The following PCDHA3 variants were observed in gnomAD, a reference collection of about 807,000 sequenced individuals.
PCDHA3 encodes protocadherin alpha-3.
Under a neutral mutation model 62.2 loss-of-function variants are expected in PCDHA3, and 41 were observed. The ratio of observed to expected loss-of-function variants is 0.66; its 90% CI spans 0.51 to 0.86. The LOEUF (loss-of-function observed/expected upper bound fraction) is 0.86, where lower values mean the gene tolerates loss of function less well. PCDHA3 is among the 40% of genes least tolerant of loss of function. PCDHA3 has a pLI of 0.00. For missense variants in PCDHA3, 1,304 were observed against 1,241.2 expected (o/e 1.05, Z -0.76); for synonymous variants, 640 against 555.4 (o/e 1.15, Z -2.14).
chr5:140,903,962 G>C (rs548680386), intron 1 of PCDHA3, among the ~76,000 whole-genome samples: 21 of 152,226 alleles, frequency 1.4e-4, no homozygotes. Flanking sequence ...ATTATTTGTT[G>C]ATTTTTGGTC....
At position 140,850,229 on chromosome 5, in the gene PCDHA3, C is replaced by G. The variant is rs2150474580; in HGVS notation, c.2394+46638C>G. ...TGAGGGGCACTGACGGCGCAGTGAGCGAGATGGTGCTGCGGTCGGTGGGCG... is the reference window on the plus strand; with the variant it reads ...TGAGGGGCACTGACGGCGCAGTGAGGGAGATGGTGCTGCGGTCGGTGGGCG... On this transcript the variant is annotated intron_variant, in intron 1 of 3. Transcript: ENST00000522353. The G allele has an allele frequency of 9.4e-6, 15 of 1,593,582 alleles. No individual in the cohort carries two copies. In the East Asian group the frequency reaches 3.3e-4, roughly 36 times the overall value.
At chr5:140,823,552 G>A (rs2150126819) in intron 1 of PCDHA3, 1 of 1,613,888 alleles carries the variant, frequency 6.2e-7, no homozygotes, top group Non-Finnish European at 8.5e-7. Flanking sequence ...GGTGGCGAAG[G>A]TGCGCGCAGT....
intron 1 of PCDHA3, among the ~76,000 whole-genome samples, chr5:140,833,733 C>T (rs1772600974): frequency 1.4e-5 from 2 of 144,312 alleles, no homozygotes; most frequent in Admixed American, 1.4e-4. Context: ...GCTAATGTTT[C>T]TTGCCTCCTA....
At chr5:140,964,417 C>T (rs1279243450) in intron 1 of PCDHA3, among the ~76,000 whole-genome samples, 15 of 152,088 alleles carry the variant, frequency 9.9e-5, no homozygotes, top group Admixed American at 9.8e-4. Context: ...TGGGGGCTTC[C>T]ATTAAAAAAT....
At chr5:140,822,702 T>C (rs1767402804) in intron 1 of PCDHA3, 1 of 1,610,758 alleles carries the variant, frequency 6.2e-7, no homozygotes, top group Non-Finnish European at 8.5e-7. Flanking sequence ...AACTGGATTA[T>C]GAAGACTATA....
At chr5:140,875,346 T>C in intron 1 of PCDHA3, 1 of 1,443,436 alleles carries the variant, frequency 6.9e-7, no homozygotes. Flanking sequence ...GACTCCATAA[T>C]GACTGTGATG....
In PCDHA3 at chr5:140,828,686, T is replaced by C. The variant is rs184176193; in HGVS notation, c.2394+25095T>C. 17 of 1,614,164 alleles carry C rather than the reference T, an allele frequency of 1.1e-5. No homozygotes were observed. Among genetic ancestry groups the C allele is most frequent in the Admixed American group, 3.3e-5 (2 of 60,022 alleles). On this transcript the variant is annotated intron_variant, in intron 1 of 3. Transcript: ENST00000522353. ...ACAAATTGGGCTCTTATTAAAGAAA[T>C]CCTTGGACAGAGAGGAAGCTCCTGC...
At chr5:140,984,987 G>C (rs1034950978) in intron 3 of PCDHA3, among the ~76,000 whole-genome samples, 7 of 152,028 alleles carry the variant, frequency 4.6e-5, no homozygotes, top group Admixed American at 2.0e-4. Flanking sequence ...CCCCAGGCTG[G>C]AGTCCAGTGG....
At chr5:140,953,530 C>T (rs923959885) in intron 1 of PCDHA3, among the ~76,000 whole-genome samples, 3 of 152,158 alleles carry the variant, frequency 2.0e-5, no homozygotes, top group Admixed American at 6.5e-5. Context: ...ACGGGAAACT[C>T]ACTTCATGCT....
Position 140,843,438 on chromosome 5 carries a change from C to A in PCDHA3, c.2394+39847C>A, listed in dbSNP as rs2150359947. 1.3e-4 allele frequency: 208 copies of A among 1,596,096 alleles called. 21 individuals are homozygous for A. The South Asian group carries it at 1.5e-3, about 11-fold the overall frequency. Reference sequence around the variant, plus strand: ...GTGTACCTGATCATCGCCATCTGCGCGGTATCCAGCCTGCTGGTGCTCACG... The same window carrying A: ...GTGTACCTGATCATCGCCATCTGCGAGGTATCCAGCCTGCTGGTGCTCACG... On this transcript the variant is annotated intron_variant, in intron 1 of 3. Transcript: ENST00000522353.
At chr5:140,821,907 T>G (rs2150111857) in intron 1 of PCDHA3, 1 of 1,614,210 alleles carries the variant, frequency 6.2e-7, no homozygotes, top group East Asian at 2.2e-5. Context: ...GAACCTTCGT[T>G]GGCCGCATCG....
intron 1 of PCDHA3, among the ~76,000 whole-genome samples, chr5:140,847,260 T>G (rs1285482056): frequency 6.7e-6 from 1 of 149,726 alleles, no homozygotes; most frequent in Non-Finnish European, 1.5e-5. Context: ...TCACGACTTT[T>G]GAAAGAAGGT....
At chr5:140,894,632 TATC>T (rs1161134901) in intron 1 of PCDHA3, among the ~76,000 whole-genome samples, 1 of 151,990 alleles carries the variant, frequency 6.6e-6, no homozygotes, top group Non-Finnish European at 1.5e-5. Context: ...TCTCCAATCA[TATC>T]ATTACTGAGT....
chr5:140,928,262 A>T lies in PCDHA3; in HGVS notation c.2395-50687A>T, dbSNP rs199571652. ...CAGCAGGAACTTTTCGTTGCTGAAA[A>T]CAATGGCCCTGGGGCCTCTCTAGGC... is the stretch of plus-strand genomic sequence containing the variant. On this transcript the variant is annotated intron_variant, in intron 1 of 3. Coordinates refer to ENST00000522353, the MANE Select transcript of PCDHA3 (RefSeq NM_018906.3). 20 of 1,614,214 alleles carry T rather than the reference A, an allele frequency of 1.2e-5. No homozygotes were observed. In the Admixed American group the frequency reaches 2.2e-4, roughly 17 times the overall value.
chr5:140,931,259 CTATT>C (rs1407255574), intron 1 of PCDHA3, among the ~76,000 whole-genome samples: 2 of 152,080 alleles, frequency 1.3e-5, no homozygotes, highest in African/African-American at 4.8e-5. Flanking sequence ...AGAAATTTCA[CTATT>C]TATTTCTTTT....
intron 1 of PCDHA3, chr5:140,856,230 G>C (rs17844339): frequency 1.3e-6 from 2 of 1,597,950 alleles, no homozygotes; most frequent in African/African-American, 1.3e-5. Flanking sequence ...CTGGTGCAGC[G>C]CCTGTTCCGG....
At chr5:140,829,160 T>C (rs2150163172) in intron 1 of PCDHA3, 3 of 1,613,966 alleles carry the variant, frequency 1.9e-6, no homozygotes, top group Non-Finnish European at 2.5e-6. Context: ...TTCCTTATCC[T>C]TGCCTGTACG....
chr5:141,005,475 G>A (rs1011400158), intron 3 of PCDHA3, among the ~76,000 whole-genome samples: 8 of 151,670 alleles, frequency 5.3e-5, no homozygotes, highest in African/African-American at 1.9e-4. Flanking sequence ...AGGCCGAGAC[G>A]GGCGGATCAT....
chr5:140,834,630 A>G (rs2150223003), intron 1 of PCDHA3: 2 of 1,614,158 alleles, frequency 1.2e-6, no homozygotes, highest in Non-Finnish European at 8.5e-7. Context: ...GCAGAATGGC[A>G]TTTTGTTTGT....
Sources: allele counts gnomAD v4.1 joint callset (sites outside exome capture counted in the v4.1 genomes callset), GRCh38; gene constraint gnomAD v4.1.1; transcripts MANE v1.5; gene names NCBI Gene and HGNC (gene_info 2026-07-23, HGNC 2026-07-21).